Variants in TLN2 observed in about 807,000 individuals in gnomAD.
TLN2 encodes the protein talin 2.
A neutral mutation model predicts 294.7 loss-of-function variants in TLN2; 118 were observed. The ratio of observed to expected loss-of-function variants is 0.40; its 90% CI spans 0.34 to 0.47. The LOEUF is 0.47. TLN2 is among the 20% of genes least tolerant of loss of function. The probability of loss-of-function intolerance (pLI) is 0.84; values close to 1 mark genes in which losing one functional copy is unlikely to be tolerated. For synonymous variants in TLN2, 1,431 were observed against 1,304.5 expected (o/e 1.10, Z -2.09); for missense variants, 3,083 against 3,282.2 (o/e 0.94, Z 1.48).
intron 37 of TLN2, among the ~76,000 whole-genome samples, chr15:62,758,125 C>G (rs1195778876): frequency 6.6e-6 from 1 of 152,110 alleles, no homozygotes; most frequent in East Asian, 1.9e-4. Flanking sequence ...GTGCCCAAGC[C>G]TAAATCCCAG....
At chr15:62,459,299 CTTTTTTTTTTTT>C (rs35344244) in intron 1 of TLN2, among the ~76,000 whole-genome samples, 1 of 130,550 alleles carries the variant, frequency 7.7e-6, no homozygotes, top group African/African-American at 2.9e-5. Flanking sequence ...CACGCTCGGC[CTTTTTTTTTTTT>C]TTTTTTTTAA....
intron 2 of TLN2, among the ~76,000 whole-genome samples, chr15:62,590,824 T>A (rs965500816): frequency 4.6e-5 from 7 of 152,178 alleles, no homozygotes; most frequent in Non-Finnish European, 2.9e-5. Context: ...CCCAGATGTA[T>A]CAGTTCTGTT....
At chr15:62,768,449 A>G (rs1328182607) in intron 41 of TLN2, among the ~76,000 whole-genome samples, 1 of 152,128 alleles carries the variant, frequency 6.6e-6, no homozygotes. Context: ...TATTGGATTT[A>G]GAGCCCGTCC....
intron 3 of TLN2, among the ~76,000 whole-genome samples, chr15:62,623,391 T>G (rs1456371655): frequency 1.3e-5 from 2 of 152,208 alleles, no homozygotes; most frequent in African/African-American, 2.4e-5. Flanking sequence ...GGTAGTATCT[T>G]TTACATAGCT....
At chr15:62,520,848 AT>A (rs2040422563) in intron 1 of TLN2, among the ~76,000 whole-genome samples, 1 of 152,264 alleles carries the variant, frequency 6.6e-6, no homozygotes, top group East Asian at 1.9e-4. Context: ...TTACTCAGAT[AT>A]TTTTTAAGGA....
intron 9 of TLN2, among the ~76,000 whole-genome samples, chr15:62,670,392 C>T (rs148658764): frequency 2.0e-5 from 3 of 152,306 alleles, no homozygotes; most frequent in Non-Finnish European, 4.4e-5. Context: ...TAAGTCTTTA[C>T]CTCTCTGAAA....
intron 2 of TLN2, among the ~76,000 whole-genome samples, chr15:62,601,010 G>A (rs945330416): frequency 6.6e-6 from 1 of 152,164 alleles, no homozygotes; most frequent in East Asian, 1.9e-4. Flanking sequence ...CTTATTCATT[G>A]CAGTTAGTTA....
chr15:62,691,440 T>C (rs2057903783), intron 12 of TLN2, among the ~76,000 whole-genome samples: 1 of 152,224 alleles, frequency 6.6e-6, no homozygotes, highest in South Asian at 2.1e-4. Context: ...TTCCATTTGG[T>C]TCTTTTTTAT....
At chr15:62,601,449 G>A (rs951408653) in intron 2 of TLN2, among the ~76,000 whole-genome samples, 1 of 152,134 alleles carries the variant, frequency 6.6e-6, no homozygotes, top group East Asian at 1.9e-4. Flanking sequence ...TGAATCTCAA[G>A]GTTTGGTCAG....
At chr15:62,625,039 G>C (rs2049158574) in intron 3 of TLN2, among the ~76,000 whole-genome samples, 1 of 152,118 alleles carries the variant, frequency 6.6e-6, no homozygotes, top group South Asian at 2.1e-4. Flanking sequence ...TGTGCTTTCA[G>C]GATGACTGGA....
At chr15:62,474,369 TTGG>T (rs2037667983) in intron 1 of TLN2, among the ~76,000 whole-genome samples, 1 of 151,702 alleles carries the variant, frequency 6.6e-6, no homozygotes, top group Admixed American at 6.6e-5. Context: ...TGGGCCAGTC[TTGG>T]TGGCACATGC....
chr15:62,743,472 T>C (rs1266791620), intron 32 of TLN2, among the ~76,000 whole-genome samples: 1 of 152,066 alleles, frequency 6.6e-6, no homozygotes, highest in Non-Finnish European at 1.5e-5. Context: ...CCTGGGTACG[T>C]TTTTGGGACC....
At chr15:62,480,046 AG>A (rs1302693367) in intron 1 of TLN2, among the ~76,000 whole-genome samples, 1 of 152,198 alleles carries the variant, frequency 6.6e-6, no homozygotes, top group Non-Finnish European at 1.5e-5. Context: ...CCTAATGAAA[AG>A]TCAGCAGGTG....
rs377213287 is a variant in TLN2, at chr15:62,439,729, C to G, written c.-238+49044C>G. ...TCAGTGACTCTCTGATTGTGAAAGC[C>G]TCTGACTAGTGTTAGACTTTTTCCC... On this transcript the variant is annotated intron_variant, in intron 1 of 58. Transcript: ENST00000636159. Among the ~76,000 whole-genome samples, 139 of 152,298 alleles carry G rather than the reference C, an allele frequency of 9.1e-4. 1 individual carries two copies. The highest frequency in any genetic ancestry group is 3.2e-3 in the African/African-American group (134 of 41,560).
At chr15:62,559,371 G>A (rs1043636435) in intron 1 of TLN2, among the ~76,000 whole-genome samples, 1 of 152,156 alleles carries the variant, frequency 6.6e-6, no homozygotes, top group Non-Finnish European at 1.5e-5. Context: ...AGGAAGCCTT[G>A]TTTCATGGTG....
At position 62,752,416 on chromosome 15, in the gene TLN2, G is replaced by A; in HGVS notation, c.4321G>A (p.Ala1441Thr). Residue 1441 changes from alanine (A) to threonine (T), a missense_variant, in exon 35 of 59, where the codon GCT becomes ACT. Transcript: ENST00000636159. ...CAAGGCTCTCTGTGGGCTGACAGAG[G>A]CTGCAGCCCAGGTAAGGGGCTAGTC... ...ASKALCGLTE[A>T]AAQAAYLVGI... 5.0e-6 allele frequency: 8 copies of A among 1,614,150 alleles called. No homozygotes were observed. Among genetic ancestry groups the A allele is most frequent in the Non-Finnish European group, 6.8e-6 (8 of 1,180,014 alleles).
At chr15:62,508,609 A>T (rs987184971) in intron 1 of TLN2, among the ~76,000 whole-genome samples, 1 of 152,262 alleles carries the variant, frequency 6.6e-6, no homozygotes, top group Non-Finnish European at 1.5e-5. Flanking sequence ...TCAAGTTGAA[A>T]AGAAATTTAG....
chr15:62,486,456 T>G (rs1393179185), intron 1 of TLN2, among the ~76,000 whole-genome samples: 8 of 149,448 alleles, frequency 5.4e-5, no homozygotes, highest in Non-Finnish European at 1.0e-4. Flanking sequence ...TCCTTTGTTT[T>G]TTTTTTTTTT....
chr15:62,460,125 T>G (rs1451916695), intron 1 of TLN2, among the ~76,000 whole-genome samples: 2 of 152,086 alleles, frequency 1.3e-5, no homozygotes, highest in African/African-American at 4.8e-5. Flanking sequence ...AAGCCACTAA[T>G]ATTTATCAGG....
Sources: allele counts gnomAD v4.1 joint callset (sites outside exome capture counted in the v4.1 genomes callset), GRCh38; gene constraint gnomAD v4.1.1; transcripts MANE v1.5; gene names NCBI Gene and HGNC (gene_info 2026-07-23, HGNC 2026-07-21).